Variants in BRINP3 observed in about 807,000 individuals in gnomAD.
BRINP3 encodes BMP/retinoic acid-inducible neural-specific protein 3.
A neutral mutation model predicts 71.0 loss-of-function variants in BRINP3; 19 were observed. That is an observed-to-expected ratio of 0.27 (90% CI 0.19 to 0.39). The LOEUF is 0.39. Ranked by LOEUF, BRINP3 falls within the 10% of genes least tolerant of loss-of-function variation. The pLI is 1.00. For synonymous variants in BRINP3, 380 were observed against 337.7 expected (o/e 1.13, Z -1.37); for missense variants, 959 against 940.8 (o/e 1.02, Z -0.25).
rs528476408 is a variant in BRINP3 at position 190,364,744 on chromosome 1, A to G, written c.237-82994T>C. Among the ~76,000 whole-genome samples the G allele has an allele frequency of 2.6e-5, 4 of 152,262 alleles. No individual in the cohort carries two copies. In the South Asian group the frequency reaches 8.3e-4, roughly 32 times the overall value. The stretch of plus-strand genomic sequence containing the variant: ...CAATAAAATATAGTTGAACCATAAA[A>G]TAAATTTTAATAATGCTTGCAAAAC... On this transcript the variant is annotated intron_variant, in intron 2 of 7. Coordinates refer to ENST00000367462, the MANE Select transcript of BRINP3 (RefSeq NM_199051.3).
chr1:190,098,163 C>A lies in BRINP3; in HGVS notation c.2156G>T (p.Arg719Leu), dbSNP rs760188757. ...RVNKLSPPGQ[R>L]RLDLFSCLLR... is the part of the protein sequence containing the mutation. Reference sequence around the variant, plus strand: ...CAAGCAAGAGAAAAGATCTAGACGACGCTGACCAGGTGGGGAGAGTTTATT... The same window carrying A: ...CAAGCAAGAGAAAAGATCTAGACGAAGCTGACCAGGTGGGGAGAGTTTATT... Residue 719 changes from arginine to leucine, a missense_variant, in exon 8 of 8, where the codon CGT (arginine) becomes CTT (leucine). Physicochemically the swap from Arg to Leu is moderately radical, Grantham distance 102 (BLOSUM62 -2). Transcript: ENST00000367462. 6.2e-7 allele frequency: 1 copy of A among 1,614,134 alleles called. No homozygotes were observed. Among genetic ancestry groups the A allele is most frequent in the Non-Finnish European group, 8.5e-7 (1 of 1,180,026 alleles).
chr1:190,379,624 G>C (rs1670393903), intron 2 of BRINP3, among the ~76,000 whole-genome samples: 1 of 152,004 alleles, frequency 6.6e-6, no homozygotes, highest in African/African-American at 2.4e-5. Flanking sequence ...GGTAGCTAGG[G>C]GATAGCAGGG....
At position 190,098,552 on chromosome 1, in the gene BRINP3, A is replaced by G. The variant is rs775473905; in HGVS notation, c.1767T>C (p.Asn589=). The G allele has an allele frequency of 1.2e-6, 2 of 1,614,202 alleles. No individual in the cohort carries two copies. Among genetic ancestry groups the G allele is most frequent in the Non-Finnish European group, 1.7e-6 (2 of 1,180,024 alleles). ...GCTCCCAGTCTGGAAAGCTGTTTTC[A>G]TTCACAGGCATAAACCAGCTCTCAG... The part of the protein sequence containing the change: ...SHSESWFMPV[N]ENSFPDWERT... Residue 589 remains asparagine, a synonymous_variant, in exon 8 of 8, where the codon AAT becomes AAC. Coordinates refer to ENST00000367462, the MANE Select transcript of BRINP3 (RefSeq NM_199051.3).
In BRINP3 at chr1:190,160,591, C is replaced by T. The variant is rs557332594; in HGVS notation, c.1184+77G>A. 3 of 1,192,668 alleles carry T rather than the reference C, an allele frequency of 2.5e-6. No individual in the cohort carries two copies. The South Asian group carries it at 4.3e-5, about 17-fold the overall frequency. 73.9% of individuals were successfully genotyped at this position (1,192,668 alleles called of 1,614,324 possible). A position where few individuals can be genotyped will look rare whatever the true frequency, so the allele number is the denominator to read the frequency against. ...AGATCATGATTTGTATATTAACACACCTGCATTCAGAAAAATAAATAGAAC... is the reference window on the plus strand; with the variant it reads ...AGATCATGATTTGTATATTAACACATCTGCATTCAGAAAAATAAATAGAAC... On this transcript the variant is annotated intron_variant, in intron 7 of 7. Coordinates refer to ENST00000367462, the MANE Select transcript of BRINP3 (RefSeq NM_199051.3).
At chr1:190,204,427 T>C (rs1425621554) in intron 6 of BRINP3, among the ~76,000 whole-genome samples, 1 of 139,644 alleles carries the variant, frequency 7.2e-6, no homozygotes, top group African/African-American at 2.8e-5. Context: ...AATTGACTCA[T>C]TCAAATATAT....
intron 2 of BRINP3, among the ~76,000 whole-genome samples, chr1:190,426,065 T>C (rs1228318489): frequency 6.6e-6 from 1 of 151,814 alleles, no homozygotes; most frequent in African/African-American, 2.4e-5. Context: ...AATGAAACAT[T>C]CATATCTTCA....
intron 7 of BRINP3, among the ~76,000 whole-genome samples, chr1:190,147,636 T>G (rs1421291941): frequency 2.0e-5 from 3 of 152,224 alleles, no homozygotes; most frequent in East Asian, 3.8e-4. Flanking sequence ...TTGGTTACCT[T>G]TCCAGTGAGG....
intron 2 of BRINP3, among the ~76,000 whole-genome samples, chr1:190,395,619 A>ATTTTAATTTATG (rs978280373): frequency 2.6e-5 from 4 of 151,746 alleles, no homozygotes. Context: ...AGAAACATAA[A>ATTTTAATTTATG]TCTTTTAATT....
intron 6 of BRINP3, among the ~76,000 whole-genome samples, chr1:190,172,502 A>C (rs1652105720): frequency 6.6e-6 from 1 of 152,110 alleles, no homozygotes; most frequent in Admixed American, 6.6e-5. Flanking sequence ...GATGCTGCTA[A>C]TTGGTCATGT....
chr1:190,452,844 G>C (rs1273711369), intron 2 of BRINP3, among the ~76,000 whole-genome samples: 1 of 152,082 alleles, frequency 6.6e-6, no homozygotes, highest in African/African-American at 2.4e-5. Context: ...GTGGCAGAAC[G>C]AGACTCCGTC....
intron 3 of BRINP3, among the ~76,000 whole-genome samples, chr1:190,270,007 CG>C (rs1558129315): frequency 6.6e-6 from 1 of 151,918 alleles, no homozygotes. Context: ...TACAACCATA[CG>C]GTAGAACACT....
At chr1:190,209,842 T>C (rs368302290) in intron 6 of BRINP3, among the ~76,000 whole-genome samples, 9 of 152,272 alleles carry the variant, frequency 5.9e-5, no homozygotes, top group East Asian at 3.9e-4. Context: ...AAGCAGTTTA[T>C]ATAAATTACA....
chr1:190,158,673 A>G (rs2102451116), intron 7 of BRINP3, among the ~76,000 whole-genome samples: 1 of 152,190 alleles, frequency 6.6e-6, no homozygotes, highest in Non-Finnish European at 1.5e-5. Flanking sequence ...CAAATTAATA[A>G]CTTAAGTTTT....
intron 6 of BRINP3, among the ~76,000 whole-genome samples, chr1:190,222,398 T>C (rs1656971557): frequency 6.6e-6 from 1 of 150,988 alleles, no homozygotes; most frequent in Admixed American, 6.6e-5. Flanking sequence ...TGAGATACAA[T>C]AACATCTATA....
At chr1:190,148,167 C>G (rs536759789) in intron 7 of BRINP3, among the ~76,000 whole-genome samples, 1 of 152,074 alleles carries the variant, frequency 6.6e-6, no homozygotes. Flanking sequence ...CTTTTTTCAT[C>G]CAATTTCAAG....
chr1:190,251,184 C>G (rs1444139853), intron 4 of BRINP3, among the ~76,000 whole-genome samples: 5 of 151,778 alleles, frequency 3.3e-5, no homozygotes, highest in African/African-American at 1.2e-4. Context: ...ACTCCCTTAC[C>G]AAGTTATTTT....
chr1:190,281,219 A>G (rs943368009), intron 3 of BRINP3, among the ~76,000 whole-genome samples: 2 of 151,940 alleles, frequency 1.3e-5, no homozygotes, highest in African/African-American at 4.8e-5. Context: ...CCTTCTCTCT[A>G]TAACTAGAAT....
chr1:190,215,451 A>G (rs1200116475), intron 6 of BRINP3, among the ~76,000 whole-genome samples: 1 of 152,014 alleles, frequency 6.6e-6, no homozygotes. Context: ...TTATTTGGAT[A>G]TACTTATTTT....
intron 6 of BRINP3, among the ~76,000 whole-genome samples, chr1:190,215,124 C>G (rs909176366): frequency 2.0e-5 from 3 of 149,704 alleles, no homozygotes; most frequent in African/African-American, 7.4e-5. Context: ...TGAAATCTTG[C>G]GTCTCCCCCA....
Sources: gnomAD v4.1 joint callset for allele counts (sites outside exome capture counted in the v4.1 genomes callset) on GRCh38, gnomAD v4.1.1 for gene constraint, MANE v1.5 for transcripts, NCBI Gene and HGNC (gene_info 2026-07-23, HGNC 2026-07-21) for gene names.